The following MAP3K19 variants were observed in gnomAD, a reference collection of about 807,000 sequenced individuals.
The protein encoded by MAP3K19 is SPS1/STE20-related protein kinase YSK4.
MAP3K19 carries 91 observed loss-of-function variants against 114.4 expected under a neutral mutation model. The observed-to-expected ratio is 0.80, with a 90% CI of 0.67 to 0.95. The LOEUF is 0.95. Among genes scored for constraint, MAP3K19 ranks in the 40% least tolerant of loss-of-function variants. MAP3K19 has a pLI of 0.00. For synonymous variants in MAP3K19, 518 were observed against 530.5 expected (o/e 0.98, Z 0.32); for missense variants, 1,471 against 1,573.2 (o/e 0.94, Z 1.10).
chr2:134,996,727 G>A (rs1218996741), intron 8 of MAP3K19, among the ~76,000 whole-genome samples: 1 of 152,196 alleles, frequency 6.6e-6, no homozygotes, highest in Non-Finnish European at 1.5e-5. Flanking sequence ...AGAGTGGCAA[G>A]ATATGAGGCT....
chr2:135,014,367 AG>A (rs1687444247), intron 5 of MAP3K19, among the ~76,000 whole-genome samples: 1 of 151,918 alleles, frequency 6.6e-6, no homozygotes, highest in Admixed American at 6.5e-5. Context: ...TCTCCAAAAA[AG>A]AAGAAAAGAA....
chr2:135,034,764 G>A (rs538003143), intron 2 of MAP3K19, among the ~76,000 whole-genome samples: 2 of 142,932 alleles, frequency 1.4e-5, no homozygotes, highest in Non-Finnish European at 3.0e-5. Flanking sequence ...GTCCAGCTTC[G>A]GCTGGGCATC....
At chr2:134,998,579 G>A (rs537869565) in intron 8 of MAP3K19, among the ~76,000 whole-genome samples, 159 bp downstream of exon 8, 3 of 151,870 alleles carry the variant, frequency 2.0e-5, no homozygotes, top group Non-Finnish European at 4.4e-5. Flanking sequence ...TGTCTGTCTC[G>A]CACCCCCATG....
At chr2:134,994,177 A>G (rs1266537270) in intron 8 of MAP3K19, among the ~76,000 whole-genome samples, 1 of 152,240 alleles carries the variant, frequency 6.6e-6, no homozygotes, top group Non-Finnish European at 1.5e-5. Flanking sequence ...TGATAAAACA[A>G]CAGATGAGCA....
intron 1 of MAP3K19, among the ~76,000 whole-genome samples, chr2:135,043,040 A>C (rs1051066558): frequency 6.6e-6 from 1 of 151,988 alleles, no homozygotes; most frequent in South Asian, 2.1e-4. Context: ...CCGAGATCAA[A>C]CCACTGCGCT....
intron 8 of MAP3K19, among the ~76,000 whole-genome samples, chr2:134,997,055 A>G (rs1379483880): frequency 6.6e-6 from 1 of 152,064 alleles, no homozygotes; most frequent in Non-Finnish European, 1.5e-5. Flanking sequence ...TCTCAAACAA[A>G]CCAACAAACA....
At chr2:135,002,205 GACA>G (rs1686491928) in intron 6 of MAP3K19, among the ~76,000 whole-genome samples, 3 of 152,086 alleles carry the variant, frequency 2.0e-5, no homozygotes, top group Non-Finnish European at 4.4e-5. Flanking sequence ...GAAATTAAAA[GACA>G]ACATTTCAAC....
intron 5 of MAP3K19, among the ~76,000 whole-genome samples, chr2:135,020,894 C>A (rs111587558): frequency 0.04 from 6,039 of 152,228 alleles, 418 homozygotes; most frequent in African/African-American, 0.14. Context: ...GTCAATTAAA[C>A]CTCTTTTGTT....
rs1044457960 is a variant in MAP3K19 at position 135,021,761 on chromosome 2, A to G, written c.92T>C (p.Val31Ala). The change falls in exon 5 of 13, where the codon GTT (valine) becomes GCT (alanine). Residue 31 changes from valine (V) to alanine (A), a missense_variant. Val to Ala is a moderately conservative substitution (Grantham distance 64). Transcript: ENST00000392915. ...TNSSPTDLMT[V>A]TKNQNIILQS... is the part of the protein sequence containing the mutation. ...CAAGATGATGTTTTGATTTTTGGTA[A>G]CTGTCATCAAATCAGTTGGAGAAGA... is the stretch of plus-strand genomic sequence containing the variant. 1.2e-6 allele frequency: 2 copies of G among 1,613,032 alleles called. No homozygotes were observed. Among genetic ancestry groups the G allele is most frequent in the Middle Eastern group, 1.7e-4 (1 of 6,056 alleles).
chr2:134,986,949 G>A lies in MAP3K19; in HGVS notation c.1923C>T (p.Tyr641=). 6.2e-7 allele frequency: 1 copy of A among 1,613,938 alleles called. No homozygotes were observed. The highest frequency in any genetic ancestry group is 8.5e-7 in the Non-Finnish European group (1 of 1,180,016). Residue 641 remains tyrosine, a synonymous_variant, in exon 10 of 13, where the codon TAC becomes TAT. Coordinates refer to ENST00000392915, the MANE Select transcript of MAP3K19 (RefSeq NM_025052.5). ...ACATATCACTATACTTAAGATCTAG[G>A]TAATTTAGTCTTGGCTCTGTCGGTT... ...SVQPTEPRLN[Y]LDLKYSDMFK...
At position 134,986,089 on chromosome 2, in the gene MAP3K19, T is replaced by A. The variant is rs1685078853; in HGVS notation, c.2783A>T (p.Asp928Val). 6.2e-7 allele frequency: 1 copy of A among 1,613,946 alleles called. No homozygotes were observed. The highest frequency in any genetic ancestry group is 1.1e-5 in the South Asian group (1 of 91,038). The change falls in exon 10 of 13, where the codon GAT becomes GTT. Residue 928 changes from aspartate (D) to valine (V), a missense_variant. Asp to Val is a radical substitution (Grantham distance 152). Transcript: ENST00000392915. The stretch of plus-strand genomic sequence containing the variant: ...TGACTTATTTGCTAAACTATCATGA[T>A]CCAAATAATGTACCCAATATTGATA... The part of the protein sequence containing the change: ...QTYQYWVHYL[D>V]HDSLANKSIT...
intron 4 of MAP3K19, among the ~76,000 whole-genome samples, chr2:135,024,342 C>A (rs1574045930): frequency 8.1e-6 from 1 of 122,818 alleles, no homozygotes. Context: ...CTTCAAGAAC[C>A]ACTATAAGTC....
At chr2:134,996,238 C>T (rs1451799042) in intron 8 of MAP3K19, among the ~76,000 whole-genome samples, 5 of 149,410 alleles carry the variant, frequency 3.3e-5, no homozygotes, top group Non-Finnish European at 7.4e-5. Context: ...GGGTTACAGG[C>T]GTGTGCCTGT....
At chr2:135,025,058 C>A (rs1688198904) in intron 3 of MAP3K19, among the ~76,000 whole-genome samples, 2 of 151,734 alleles carry the variant, frequency 1.3e-5, no homozygotes, top group Admixed American at 6.6e-5. Flanking sequence ...ATAAAAACAT[C>A]TTTTGTTGTT....
At chr2:134,989,924 A>G (rs1279467610) in intron 9 of MAP3K19, among the ~76,000 whole-genome samples, 1 of 152,066 alleles carries the variant, frequency 6.6e-6, no homozygotes, top group Non-Finnish European at 1.5e-5. Flanking sequence ...TCTACTAAAA[A>G]TACAAAAATT....
chr2:135,009,109 G>T lies in MAP3K19; in HGVS notation c.139-3578C>A, dbSNP rs886180023. On this transcript the variant is annotated intron_variant, in intron 5 of 12. Transcript: ENST00000392915. The stretch of plus-strand genomic sequence containing the variant: ...TGGGGTTACAGGTGCCCACCACCAT[G>T]CCTGGCTAATTTTTTTTTTTTTTTT... Among the ~76,000 whole-genome samples, 36 of 146,494 alleles carry T rather than the reference G, an allele frequency of 2.5e-4. No individual in the cohort carries two copies. In the East Asian group the frequency reaches 7.0e-3, roughly 29 times the overall value.
Position 134,981,413 on chromosome 2 carries a change from C to A in MAP3K19, c.3328G>T (p.Glu1110Ter), listed in dbSNP as rs1232245174. Reference protein sequence around the residue: ...AAEKEYRKLQEEVDLLKALKH... With the variant: ...AAEKEYRKLQ Reference sequence around the variant, plus strand: ...AGTGCTTTGAGCAAATCTACTTCTTCCTGTAGTTTCCGGTATTCCTTTTCA... The same window carrying A: ...AGTGCTTTGAGCAAATCTACTTCTTACTGTAGTTTCCGGTATTCCTTTTCA... The change falls in exon 12 of 13, where the codon GAA (glutamate) becomes TAA (stop). Residue 1110 changes from glutamate to a stop codon, truncating the protein, a stop_gained. Transcript: ENST00000392915. LOFTEE classifies it high-confidence loss of function. 6.2e-7 allele frequency: 1 copy of A among 1,614,192 alleles called. No individual in the cohort carries two copies.
At chr2:135,021,680 G>T in intron 5 of MAP3K19, 35 bp downstream of exon 5, 1 of 1,178,600 alleles carries the variant, frequency 8.5e-7, no homozygotes, top group South Asian at 1.3e-5. Context: ...AGATGGAGTA[G>T]GCTGTCCGTT....
At chr2:135,025,066 GTTTT>G in intron 3 of MAP3K19, among the ~76,000 whole-genome samples, 1 of 150,602 alleles carries the variant, frequency 6.6e-6, no homozygotes, top group South Asian at 2.1e-4. Context: ...ATCTTTTGTT[GTTTT>G]TTTTTATATT....
Sources: gnomAD v4.1 joint callset for allele counts (sites outside exome capture counted in the v4.1 genomes callset) on GRCh38, gnomAD v4.1.1 for gene constraint, MANE v1.5 for transcripts, NCBI Gene and HGNC (gene_info 2026-07-23, HGNC 2026-07-21) for gene names.